Variants in FSHR observed in about 807,000 individuals in gnomAD.
The protein encoded by FSHR is follicle stimulating hormone receptor.
In FSHR, 46 loss-of-function variants were observed where a neutral mutation model predicts 52.1. The ratio of observed to expected loss-of-function variants is 0.88; its 90% CI spans 0.70 to 1.13. The LOEUF (loss-of-function observed/expected upper bound fraction) is 1.13, where lower values mean the gene tolerates loss of function less well. Ranked by LOEUF, FSHR falls within the 50% of genes most tolerant of loss-of-function variation. The pLI is 0.00. For missense variants in FSHR, 964 were observed against 834.6 expected (o/e 1.16, Z -1.91); for synonymous variants, 399 against 309.6 (o/e 1.29, Z -3.03).
intron 1 of FSHR, among the ~76,000 whole-genome samples, chr2:49,072,599 A>G (rs1669778094): frequency 6.6e-6 from 1 of 152,182 alleles, no homozygotes; most frequent in African/African-American, 2.4e-5. Flanking sequence ...GGTAAAATGA[A>G]AGACTGTTGA....
intron 3 of FSHR, among the ~76,000 whole-genome samples, chr2:49,018,791 T>G: frequency 6.6e-6 from 1 of 151,178 alleles, no homozygotes. Flanking sequence ...AGAGGGGAGA[T>G]TGCCAAATGA....
At chr2:49,112,427 C>T (rs1671455290) in intron 1 of FSHR, among the ~76,000 whole-genome samples, 1 of 152,038 alleles carries the variant, frequency 6.6e-6, no homozygotes, top group Non-Finnish European at 1.5e-5. Flanking sequence ...AGTTGGTAAA[C>T]CTAGATGAAA....
chr2:49,134,659 C>G (rs975240126), intron 1 of FSHR, among the ~76,000 whole-genome samples: 6 of 152,146 alleles, frequency 3.9e-5, no homozygotes, highest in Admixed American at 3.9e-4. Flanking sequence ...AGACTTGGAA[C>G]CAACCCAAAT....
At chr2:49,098,141 A>G (rs1370539896) in intron 1 of FSHR, among the ~76,000 whole-genome samples, 1 of 152,202 alleles carries the variant, frequency 6.6e-6, no homozygotes, top group Non-Finnish European at 1.5e-5. Context: ...GCATACTTAC[A>G]TTAAAAATGA....
At chr2:49,143,511 TTGAG>T (rs1370846895) in intron 1 of FSHR, among the ~76,000 whole-genome samples, 7 of 152,048 alleles carry the variant, frequency 4.6e-5, no homozygotes, top group Admixed American at 1.3e-4. Context: ...CAGAGCCAGA[TTGAG>T]TGGGTGAATA....
chr2:48,979,063 C>G (rs1379445782), intron 8 of FSHR, among the ~76,000 whole-genome samples: 1 of 152,132 alleles, frequency 6.6e-6, no homozygotes, highest in East Asian at 1.9e-4. Flanking sequence ...TCTCAGAGAG[C>G]ACTCTGGACA....
At chr2:49,018,525 C>T (rs913246197) in intron 3 of FSHR, among the ~76,000 whole-genome samples, 2 of 152,152 alleles carry the variant, frequency 1.3e-5, no homozygotes, top group Admixed American at 6.5e-5. Flanking sequence ...GATGAAAGAC[C>T]CAAACCACTA....
intron 4 of FSHR, among the ~76,000 whole-genome samples, chr2:49,012,777 G>C (rs558489733): frequency 6.6e-6 from 1 of 152,126 alleles, no homozygotes; most frequent in Non-Finnish European, 1.5e-5. Flanking sequence ...TCATCCCAAA[G>C]AATATCTGAA....
rs565783127 is a variant in FSHR, at chr2:49,096,041, A to G, written c.153-27751T>C. ...TAGAAATGTAAATTAATGTAGCTGC[A>G]TTAGCAAACACTTTGATAGTTCCTC... is the stretch of plus-strand genomic sequence containing the variant. On this transcript the variant is annotated intron_variant, in intron 1 of 9. Coordinates refer to ENST00000406846, the MANE Select transcript of FSHR (RefSeq NM_000145.4). Among the ~76,000 whole-genome samples the G allele has an allele frequency of 2.5e-3, 382 of 152,326 alleles. 2 individuals are homozygous for G. The highest frequency in any genetic ancestry group is 8.7e-3 in the African/African-American group (361 of 41,590).
At chr2:49,125,037 C>G (rs1216514313) in intron 1 of FSHR, among the ~76,000 whole-genome samples, 1 of 152,184 alleles carries the variant, frequency 6.6e-6, no homozygotes, top group African/African-American at 2.4e-5. Context: ...AGTCACTGCT[C>G]TTGCTTGTTT....
intron 6 of FSHR, among the ~76,000 whole-genome samples, chr2:48,986,821 C>G (rs1296329711): frequency 1.3e-5 from 2 of 152,146 alleles, no homozygotes; most frequent in Admixed American, 6.5e-5. Context: ...ACTTAAAGTG[C>G]TTTGCCTTCT....
intron 8 of FSHR, among the ~76,000 whole-genome samples, chr2:48,973,078 C>T (rs1013998369): frequency 9.2e-5 from 14 of 152,144 alleles, no homozygotes; most frequent in African/African-American, 3.1e-4. Flanking sequence ...TGTTGCTATT[C>T]ATTATAGATC....
intron 1 of FSHR, among the ~76,000 whole-genome samples, chr2:49,132,347 A>G (rs896926209): frequency 6.6e-6 from 1 of 152,170 alleles, no homozygotes; most frequent in African/African-American, 2.4e-5. Flanking sequence ...TTTTGTTTCT[A>G]TCCTGCTCAG....
In FSHR at chr2:49,129,788, C is replaced by G. The variant is rs146006501; in HGVS notation, c.152+24478G>C. 2.9e-4 allele frequency among the ~76,000 whole-genome samples: 44 copies of G among 152,274 alleles called. 1 individual carries two copies. The highest frequency in any genetic ancestry group is 9.6e-4 in the African/African-American group (40 of 41,546). ...ATATAGTATTCTCATAAATTAGAATCCTGACGCGCCTTCAAAATTCTGTAC... is the reference window on the plus strand; with the variant it reads ...ATATAGTATTCTCATAAATTAGAATGCTGACGCGCCTTCAAAATTCTGTAC... On this transcript the variant is annotated intron_variant, in intron 1 of 9. Coordinates refer to ENST00000406846, the MANE Select transcript of FSHR (RefSeq NM_000145.4).
At chr2:49,087,309 A>T (rs1198490403) in intron 1 of FSHR, among the ~76,000 whole-genome samples, 1 of 152,024 alleles carries the variant, frequency 6.6e-6, no homozygotes, top group Non-Finnish European at 1.5e-5. Context: ...AGGGTAGTGT[A>T]TATAACAGTA....
intron 1 of FSHR, among the ~76,000 whole-genome samples, chr2:49,116,553 T>C (rs1249012728): frequency 6.6e-6 from 1 of 152,184 alleles, no homozygotes; most frequent in Non-Finnish European, 1.5e-5. Context: ...GTAATGTAAA[T>C]GCACATACAG....
intron 1 of FSHR, among the ~76,000 whole-genome samples, chr2:49,151,726 G>C (rs1049300230): frequency 6.6e-6 from 1 of 152,016 alleles, no homozygotes; most frequent in Non-Finnish European, 1.5e-5. Context: ...AAGTTAATAC[G>C]CAAACTTGGA....
intron 1 of FSHR, among the ~76,000 whole-genome samples, chr2:49,144,104 T>C (rs1672786322): frequency 6.6e-6 from 1 of 152,120 alleles, no homozygotes; most frequent in African/African-American, 2.4e-5. Flanking sequence ...TGTTGGATGC[T>C]GAGACCCTAG....
intron 1 of FSHR, among the ~76,000 whole-genome samples, chr2:49,141,554 C>G (rs970179804): frequency 4.6e-5 from 7 of 152,132 alleles, no homozygotes; most frequent in Non-Finnish European, 7.4e-5. Context: ...CCCCAATGAT[C>G]CAAATACCTC....
Sources: allele counts gnomAD v4.1 joint callset (sites outside exome capture counted in the v4.1 genomes callset), GRCh38; gene constraint gnomAD v4.1.1; transcripts MANE v1.5; gene names NCBI Gene and HGNC (gene_info 2026-07-23, HGNC 2026-07-21).